CPLANE1: variants seen among roughly 807,000 people sequenced by gnomAD.
CPLANE1 encodes ciliogenesis and planar polarity effector 1.
A neutral mutation model predicts 362.5 loss-of-function variants in CPLANE1; 263 were observed. That is an observed-to-expected ratio of 0.73 (90% CI 0.66 to 0.80). CPLANE1 has a LOEUF of 0.80. Ranked by LOEUF, CPLANE1 falls within the 30% of genes least tolerant of loss-of-function variation. The pLI is 0.00. For synonymous variants in CPLANE1, 1,212 were observed against 1,302.6 expected, an observed-to-expected ratio of 0.93 and a Z score of 1.50; for missense variants, 3,461 against 3,793.4, an observed-to-expected ratio of 0.91 and a Z score of 2.30.
At chr5:37,201,908 A>G (rs1789295539) in intron 18 of CPLANE1, 100 bp from the exon 19 acceptor site, 1 of 739,978 alleles carries the variant, frequency 1.4e-6, no homozygotes, top group South Asian at 1.9e-5. Flanking sequence ...TTCATTGTCA[A>G]GAATGAACAC....
At chr5:37,230,213 TA>T (rs1268067179) in intron 9 of CPLANE1, among the ~76,000 whole-genome samples, 1 of 143,902 alleles carries the variant, frequency 6.9e-6, no homozygotes, top group Admixed American at 6.9e-5. Flanking sequence ...AATGAAAATT[TA>T]AAAATTGAAA....
At chr5:37,077,606 C>CTTTTTTTTTTTTTTTTTTTTTT in the CPLANE1 span, among the ~76,000 whole-genome samples, 1 of 75,922 alleles carries the variant, frequency 1.3e-5, no homozygotes, top group Non-Finnish European at 2.2e-5. Context: ...GTGTGTGTGT[C>CTTTTTTTTTTTTTTTTTTTTTT]TTTTTTTTTT....
chr5:37,106,786 G>C lies in CPLANE1; in HGVS notation c.*816C>G, dbSNP rs1233949342. 8.8e-6 allele frequency: 8 copies of C among 913,722 alleles called. No individual in the cohort carries two copies. The East Asian group carries it at 8.3e-4, about 95-fold the overall frequency. The allele number at this position is 913,722 out of a possible 1,614,324, so 56.6% of individuals were successfully genotyped here. On this transcript the variant is annotated 3_prime_UTR_variant, in exon 53 of 53. Coordinates refer to ENST00000651892, the MANE Select transcript of CPLANE1 (RefSeq NM_001384732.1). Reference sequence around the variant, plus strand: ...TATTTAATAGCTTTTTCAGATGATAGTGTGCTTTTATATTATACCAAACAT... The same window carrying C: ...TATTTAATAGCTTTTTCAGATGATACTGTGCTTTTATATTATACCAAACAT...
At chr5:37,132,168 G>A (rs903866482) in intron 46 of CPLANE1, among the ~76,000 whole-genome samples, 5 of 151,720 alleles carry the variant, frequency 3.3e-5, no homozygotes, top group Admixed American at 2.0e-4. Context: ...ATCCTTTTTC[G>A]TTTTTGTACA....
intron 1 of CPLANE1, among the ~76,000 whole-genome samples, chr5:37,248,896 GT>G (rs1035815932): frequency 6.6e-6 from 1 of 152,220 alleles, no homozygotes; most frequent in African/African-American, 2.4e-5. Context: ...GAAAATTGAC[GT>G]TCTATTCCTC....
intron 8 of CPLANE1, among the ~76,000 whole-genome samples, chr5:37,237,452 G>A (rs550811767): frequency 6.6e-6 from 1 of 152,316 alleles, no homozygotes; most frequent in South Asian, 2.1e-4. Context: ...ACTAAAAGAC[G>A]GGAGGGGAGT....
chr5:37,193,484 A>AT (rs1786256879), intron 21 of CPLANE1, among the ~76,000 whole-genome samples: 1 of 152,002 alleles, frequency 6.6e-6, no homozygotes, highest in South Asian at 2.1e-4. Context: ...GCAAAACCCC[A>AT]TATCTACTAA....
chr5:37,161,683 A>G (rs1174582283), intron 38 of CPLANE1, among the ~76,000 whole-genome samples: 1 of 152,214 alleles, frequency 6.6e-6, no homozygotes, highest in Non-Finnish European at 1.5e-5. Flanking sequence ...ATGAGAGTTT[A>G]GATAGTAAGG....
chr5:37,175,669 A>G (rs796317950), intron 31 of CPLANE1, among the ~76,000 whole-genome samples: 7 of 152,324 alleles, frequency 4.6e-5, no homozygotes, highest in African/African-American at 1.7e-4. Flanking sequence ...TTCAGAAAAG[A>G]CTGTTCAACA....
chr5:37,183,029 T>C lies in CPLANE1; in HGVS notation c.5152A>G (p.Ile1718Val), dbSNP rs886060578. The change falls in exon 26 of 53, where the codon ATT becomes GTT. Residue 1718 changes from isoleucine (I) to valine (V), a missense_variant. Around this residue, in one of 2 missense-constraint regions of CPLANE1, gnomAD observed 3,380 missense variants for 3,666.1 expected, o/e 0.92. Transcript: ENST00000651892. ...TPKSIKTRRC[I>V]FKAIQCNDIN... is the part of the protein sequence containing the mutation. ...TCATTGCACTGAATAGCTTTGAAAATACATCTTCTAGTTTTAATGGACTTG... is the reference window on the plus strand; with the variant it reads ...TCATTGCACTGAATAGCTTTGAAAACACATCTTCTAGTTTTAATGGACTTG... 6 of 1,613,370 alleles carry C rather than the reference T, an allele frequency of 3.7e-6. No individual in the cohort carries two copies. Among genetic ancestry groups the C allele is most frequent in the East Asian group, 4.5e-5 (2 of 44,840 alleles).
chr5:37,106,194 G>GGT (rs1470019393), downstream of CPLANE1: 1 of 151,742 alleles, frequency 6.6e-6, no homozygotes, highest in African/African-American at 2.4e-5. Context: ...CCCATAGCTG[G>GGT]GTATATATAC....
At chr5:37,082,431 T>C in the CPLANE1 span, among the ~76,000 whole-genome samples, 2 of 152,060 alleles carry the variant, frequency 1.3e-5, no homozygotes, top group Admixed American at 1.3e-4. Flanking sequence ...GATCCCAAGA[T>C]CCATTATAAA....
chr5:37,113,619 C>T (rs922502538), intron 51 of CPLANE1, among the ~76,000 whole-genome samples: 7 of 151,948 alleles, frequency 4.6e-5, no homozygotes, highest in African/African-American at 1.5e-4. Flanking sequence ...TAGAAAATAC[C>T]GCCATAGACA....
chr5:37,180,248 GGTTTTTTTTTT>G (rs1782293805), intron 27 of CPLANE1, 65 bp from the exon 28 acceptor site: 1 of 1,175,372 alleles, frequency 8.5e-7, no homozygotes, highest in Non-Finnish European at 1.1e-6. Flanking sequence ...TTCAGTTTTG[GGTTTTTTTTTT>G]GTTTTTTTTT....
chr5:37,131,820 G>A (rs566358305), intron 46 of CPLANE1, among the ~76,000 whole-genome samples: 31 of 151,976 alleles, frequency 2.0e-4, no homozygotes, highest in Admixed American at 1.6e-3. Flanking sequence ...GTGAGCCACC[G>A]CGCCAGGCCA....
chr5:37,243,575 T>G (rs1487755787), intron 5 of CPLANE1, among the ~76,000 whole-genome samples: 1 of 150,750 alleles, frequency 6.6e-6, no homozygotes, highest in Non-Finnish European at 1.5e-5. Flanking sequence ...AGTTCATGAA[T>G]CTGTTATTTC....
In CPLANE1 at chr5:37,184,987, A is replaced by G; in HGVS notation, c.4282T>C (p.Ser1428Pro). The G allele has an allele frequency of 3.7e-6, 6 of 1,614,058 alleles. No homozygotes were observed. Among genetic ancestry groups the G allele is most frequent in the Non-Finnish European group, 5.1e-6 (6 of 1,179,952 alleles). The change falls in exon 25 of 53, where the codon TCT becomes CCT. Residue 1428 changes from serine to proline, a missense_variant. Around this residue, in one of 2 missense-constraint regions of CPLANE1, gnomAD observed 3,380 missense variants for 3,666.1 expected, o/e 0.92. Transcript: ENST00000651892. ...GGTTCCCATATATTCACTTCAAAAG[A>G]GCCTATATTTCTCTGCACACGTTTT... The part of the protein sequence containing the change: ...ALKRVQRNIG[S>P]FEVNIWEPIE...
chr5:37,231,141 G>T, intron 8 of CPLANE1, 92 bp from the exon 9 acceptor site: 1 of 901,304 alleles, frequency 1.1e-6, no homozygotes, highest in Non-Finnish European at 1.5e-6. Flanking sequence ...AGGTGTGAAA[G>T]TTCAAAAAAT....
At chr5:37,229,685 C>T (rs1221886866) in intron 9 of CPLANE1, among the ~76,000 whole-genome samples, 1 of 152,096 alleles carries the variant, frequency 6.6e-6, no homozygotes, top group Non-Finnish European at 1.5e-5. Flanking sequence ...ATGTGTCTAG[C>T]CACATATAAT....
Sources: allele counts gnomAD v4.1 joint callset (sites outside exome capture counted in the v4.1 genomes callset), GRCh38; gene constraint gnomAD v4.1.1; regional missense constraint gnomAD v4.1.1; transcripts MANE v1.5; gene names NCBI Gene and HGNC (gene_info 2026-07-23, HGNC 2026-07-21).